The following RBM10 variants were observed in gnomAD, a reference collection of about 807,000 sequenced individuals.
RBM10 encodes the protein RNA-binding protein 10.
RBM10 carries 1 observed loss-of-function variant against 84.9 expected under a neutral mutation model. The observed-to-expected ratio is 0.01, with a 90% confidence interval of 0.00 to 0.06. The LOEUF is 0.06. RBM10 is among the 10% of genes least tolerant of loss of function. The pLI is 1.00. For synonymous variants in RBM10, 326 were observed against 344.5 expected (o/e 0.95, Z 0.60); for missense variants, 438 against 839.0 (o/e 0.52, Z 5.90).
At position 47,169,512 on chromosome X, in the gene RBM10, G is replaced by A. The variant is rs1556771130; in HGVS notation, c.201+14G>A. On this transcript the variant is annotated intron_variant, in intron 3 of 23. Coordinates refer to ENST00000377604, the MANE Select transcript of RBM10 (RefSeq NM_005676.5). ...CAGAGTGCGGAGGTGAGGAGGGGGC[G>A]CGCTGCGCCAGGCCTGGCTGGGATG... The A allele has an allele frequency of 7.5e-6, 9 of 1,197,503 alleles. No homozygotes were observed. The highest frequency in any genetic ancestry group is 5.2e-5 in the African/African-American group (3 of 57,333).
At chrX:47,156,088 T>G (rs1933122191) in intron 2 of RBM10, among the ~76,000 whole-genome samples, 1 of 110,683 alleles carries the variant, frequency 9.0e-6, no homozygotes, top group Non-Finnish European at 1.9e-5. Flanking sequence ...GGATTATAGG[T>G]GTGAGCCACC....
Position 47,185,594 on chromosome X carries a change from G to A in RBM10, c.2319G>A (p.Ala773=), listed in dbSNP as rs781864232. Residue 773 remains alanine (A), a synonymous_variant, in exon 20 of 24, where the codon GCG becomes GCA. Coordinates refer to ENST00000377604, the MANE Select transcript of RBM10 (RefSeq NM_005676.5). ...GACGCCAGTTCCCCAGCAAAGAGGC[G>A]CTCATCCGGCACCAGCAGCTCTCAG... ...LCRRQFPSKE[A]LIRHQQLSGL... The A allele has an allele frequency of 5.0e-5, 60 of 1,204,302 alleles. 1 individual carries two copies. The highest frequency in any genetic ancestry group is 3.6e-4 in the South Asian group (20 of 55,765).
chrX:47,152,472 G>T (rs1319590122), intron 2 of RBM10, among the ~76,000 whole-genome samples: 17 of 78,602 alleles, frequency 2.2e-4, no homozygotes, highest in Non-Finnish European at 3.0e-4. Context: ...TTTTTGAGAC[G>T]GAATCACTCT....
chrX:47,161,417 A>G (rs1434413688), intron 2 of RBM10, among the ~76,000 whole-genome samples: 1 of 110,534 alleles, frequency 9.0e-6, no homozygotes, highest in African/African-American at 3.3e-5. Context: ...TGTATGCTGT[A>G]GATTCTATTC....
At chrX:47,184,058 C>T (rs1331962449) in intron 17 of RBM10, among the ~76,000 whole-genome samples, 2 of 112,071 alleles carry the variant, frequency 1.8e-5, no homozygotes, top group Admixed American at 1.9e-4. Context: ...GCCGCGATCT[C>T]TTGAGGAGGG....
intron 1 of RBM10, 79 bp downstream of exon 1, chrX:47,145,564 C>G (rs2147056399): frequency 1.2e-6 from 1 of 853,763 alleles, no homozygotes; most frequent in East Asian, 7.0e-5. Context: ...GGGCGGACTT[C>G]GGGTCGGGGG....
chrX:47,173,208 G>T lies in RBM10; in HGVS notation c.502+11G>T. Reference sequence around the variant, plus strand: ...GGAACAAATCTTCAGGTGAGCTTTTGTTCTAGTGCCCTCCCCTTCAAGTGG... The same window carrying T: ...GGAACAAATCTTCAGGTGAGCTTTTTTTCTAGTGCCCTCCCCTTCAAGTGG... On this transcript the variant is annotated intron_variant, in intron 5 of 23. Transcript: ENST00000377604. The T allele has an allele frequency of 8.3e-7, 1 of 1,211,763 alleles. No individual in the cohort carries two copies. The highest frequency in any genetic ancestry group is 1.1e-6 in the Non-Finnish European group (1 of 895,408).
At chrX:47,181,089 G>A in intron 12 of RBM10, 126 bp from the exon 13 acceptor site, 1 of 488,676 alleles carries the variant, frequency 2.0e-6, no homozygotes, top group Non-Finnish European at 3.5e-6. Flanking sequence ...TTGTCTTAAG[G>A]CTGCATGCTT....
chrX:47,176,421 C>T, intron 6 of RBM10, 79 bp from the exon 7 acceptor site: 1 of 1,197,051 alleles, frequency 8.4e-7, no homozygotes, highest in East Asian at 3.0e-5. Context: ...GAAGGGCTCG[C>T]TCACTCTCTT....
rs2147184735 is a variant in RBM10, at chrX:47,181,288, A to G, written c.1322A>G (p.Asp441Gly). 2 of 1,183,440 alleles carry G rather than the reference A, an allele frequency of 1.7e-6. No individual in the cohort carries two copies. Among genetic ancestry groups the G allele is most frequent in the Non-Finnish European group, 2.3e-6 (2 of 881,117 alleles). The change falls in exon 13 of 24, where the codon GAT (aspartate) becomes GGT (glycine). Residue 441 changes from aspartate (D) to glycine (G), a missense_variant. Asp to Gly is a moderately conservative substitution (Grantham distance 94). Coordinates refer to ENST00000377604, the MANE Select transcript of RBM10 (RefSeq NM_005676.5). ...GTCGACTACAGCTACTACCAACAGGATGAGGGCTATGGCAACAGCCAGGGC... is the reference window on the plus strand; with the variant it reads ...GTCGACTACAGCTACTACCAACAGGGTGAGGGCTATGGCAACAGCCAGGGC... ...PPVDYSYYQQ[D>G]EGYGNSQGTE... is the part of the protein sequence containing the mutation.
chrX:47,185,409 C>T lies in RBM10; in HGVS notation c.2167-33C>T, dbSNP rs1556781776. On this transcript the variant is annotated intron_variant, in intron 19 of 23. Transcript: ENST00000377604. ...GAGAGGGGCGGGGGCTCTGATCTGG[C>T]CAGGCCTGACCGCCCACCCTCACCC... 3.4e-6 allele frequency: 4 copies of T among 1,176,214 alleles called. No homozygotes were observed. In the South Asian group the frequency reaches 7.5e-5, roughly 22 times the overall value.
rs1556781589 is a variant in RBM10 at position 47,185,297 on chromosome X, C to T, written c.2101-5C>T. 1 of 1,211,241 alleles carries T rather than the reference C, an allele frequency of 8.3e-7. No individual in the cohort carries two copies. The highest frequency in any genetic ancestry group is 1.8e-5 in the South Asian group (1 of 56,885). On this transcript the variant is annotated splice_region_variant and splice_polypyrimidine_tract_variant and intron_variant, in intron 18 of 23. Transcript: ENST00000377604. ...TCCCTGAATTTCTGTGTCCCTCCAC[C>T]CCAGGGAGCACTAGCCGAGAGACAG...
chrX:47,179,576 G>A (rs2147170783), intron 9 of RBM10, 81 bp downstream of exon 9: 1 of 1,030,614 alleles, frequency 9.7e-7, no homozygotes, highest in Non-Finnish European at 1.3e-6. Flanking sequence ...GCAGTGAGCA[G>A]GACCTCATCC....
At chrX:47,146,920 T>G (rs1464441444) in intron 1 of RBM10, among the ~76,000 whole-genome samples, 3 of 111,208 alleles carry the variant, frequency 2.7e-5, no homozygotes, top group Non-Finnish European at 5.7e-5. Flanking sequence ...TTGGGGCCTG[T>G]GGAAGGAGCC....
At chrX:47,157,048 C>T (rs1254301509) in intron 2 of RBM10, 4 of 289,952 alleles carry the variant, frequency 1.4e-5, no homozygotes, top group African/African-American at 8.2e-5. Context: ...ATGTCGGTGC[C>T]GAACAGCAAT....
At position 47,169,592 on chromosome X, in the gene RBM10, A is replaced by G. The variant is rs781984118; in HGVS notation, c.201+94A>G. On this transcript the variant is annotated intron_variant, in intron 3 of 23. Transcript: ENST00000377604. Reference sequence around the variant, plus strand: ...CAGCACCGTGTGCAGGCAGCTCTCCACTCCCGTGCCTTCAGACTGTGCTCG... The same window carrying G: ...CAGCACCGTGTGCAGGCAGCTCTCCGCTCCCGTGCCTTCAGACTGTGCTCG... 83 of 921,228 alleles carry G rather than the reference A, an allele frequency of 9.0e-5. No homozygotes were observed. In the African/African-American group the frequency reaches 1.5e-3, roughly 16 times the overall value. The allele number at this position is 921,228 out of a possible 1,213,427, so 75.9% of individuals were successfully genotyped here. A position where few individuals can be genotyped will look rare whatever the true frequency, so the allele number is the denominator to read the frequency against.
chrX:47,172,281 T>C (rs1934733240), intron 4 of RBM10, among the ~76,000 whole-genome samples: 1 of 112,346 alleles, frequency 8.9e-6, no homozygotes, highest in African/African-American at 3.2e-5. Flanking sequence ...TCCTCAGCCT[T>C]CCCTGAGTTT....
intron 10 of RBM10, 39 bp downstream of exon 10, chrX:47,180,079 C>T (rs2147175048): frequency 8.3e-7 from 1 of 1,205,983 alleles, no homozygotes; most frequent in Non-Finnish European, 1.1e-6. Context: ...AGCCAGGGTC[C>T]CGGCCCCCGG....
intron 21 of RBM10, 61 bp downstream of exon 21, chrX:47,185,851 C>G (rs2147221255): frequency 2.5e-6 from 3 of 1,194,906 alleles, no homozygotes; most frequent in Non-Finnish European, 3.4e-6. Flanking sequence ...CCCATCACCT[C>G]AGGCAGCTGG....
Sources: allele counts gnomAD v4.1 joint callset (sites outside exome capture counted in the v4.1 genomes callset), GRCh38; gene constraint gnomAD v4.1.1; transcripts MANE v1.5; gene names NCBI Gene and HGNC (gene_info 2026-07-23, HGNC 2026-07-21).